MTUS1: variants seen among roughly 807,000 people sequenced by gnomAD.
MTUS1 encodes the protein microtubule associated scaffold protein 1, also known as microtubule-associated tumor suppressor 1.
Under a neutral mutation model 120.8 loss-of-function variants are expected in MTUS1, and 109 were observed. The observed-to-expected ratio is 0.90, with a 90% confidence interval of 0.77 to 1.06. The LOEUF (loss-of-function observed/expected upper bound fraction) is 1.06. Ranked by LOEUF, MTUS1 falls within the 50% of genes least tolerant of loss-of-function variation. The pLI, the probability that MTUS1 is intolerant of heterozygous loss-of-function variation, is 0.00. For missense variants in MTUS1, 2,210 were observed against 1,486.3 expected (o/e 1.49, Z -8.01); for synonymous variants, 737 against 550.5 (o/e 1.34, Z -4.74).
At chr8:17,713,940 G>A (rs1821826284) in intron 5 of MTUS1, among the ~76,000 whole-genome samples, 1 of 152,160 alleles carries the variant, frequency 6.6e-6, no homozygotes, top group South Asian at 2.1e-4. Flanking sequence ...AAACTGTTGC[G>A]ACATAACCTA....
chr8:17,703,189 G>A (rs1364294683), intron 6 of MTUS1, among the ~76,000 whole-genome samples: 1 of 152,154 alleles, frequency 6.6e-6, no homozygotes, highest in Non-Finnish European at 1.5e-5. Context: ...TTTTCTTCTT[G>A]CAGAGAGCCT....
chr8:17,681,341 C>A (rs1477676535), intron 7 of MTUS1, among the ~76,000 whole-genome samples: 3 of 152,132 alleles, frequency 2.0e-5, no homozygotes, highest in Non-Finnish European at 4.4e-5. Flanking sequence ...GTATTGTGGG[C>A]AAGGACAGCA....
intron 3 of MTUS1, among the ~76,000 whole-genome samples, chr8:17,731,852 T>C (rs1029309339): frequency 1.3e-5 from 2 of 152,236 alleles, no homozygotes; most frequent in African/African-American, 4.8e-5. Flanking sequence ...CCTTTCCTGG[T>C]GAGCCAACTG....
chr8:17,658,618 TC>T (rs1028685642), intron 8 of MTUS1, among the ~76,000 whole-genome samples: 5 of 152,172 alleles, frequency 3.3e-5, no homozygotes, highest in African/African-American at 9.7e-5. Context: ...TGCTGGCAAA[TC>T]TGTTAAATTA....
intron 2 of MTUS1, among the ~76,000 whole-genome samples, chr8:17,746,316 T>C (rs370800527): frequency 3.2e-4 from 48 of 152,292 alleles, no homozygotes; most frequent in African/African-American, 1.0e-3. Flanking sequence ...CTAACTTCTT[T>C]CTATACATCC....
At chr8:17,664,795 C>A (rs1187704907) in intron 8 of MTUS1, among the ~76,000 whole-genome samples, 1 of 152,120 alleles carries the variant, frequency 6.6e-6, no homozygotes, top group Admixed American at 6.5e-5. Context: ...ATGTAGGTGA[C>A]CCCCTTAAGC....
At chr8:17,662,803 T>C (rs1274019394) in intron 8 of MTUS1, among the ~76,000 whole-genome samples, 3 of 148,390 alleles carry the variant, frequency 2.0e-5, no homozygotes, top group Admixed American at 1.4e-4. Context: ...GCAATCTAGC[T>C]TAAAAGAGGA....
rs182848256 is a variant in MTUS1 at position 17,695,248 on chromosome 8, G to A, written c.2624-10706C>T. Among the ~76,000 whole-genome samples the A allele has an allele frequency of 1.2e-4, 18 of 152,274 alleles. No individual in the cohort carries two copies. The East Asian group carries it at 1.9e-3, about 16-fold the overall frequency. ...TTAAAAAGCCTCCAACACACAAAAC[G>A]CTTCCTCCATCCCTGCTATTCCTTG... On this transcript the variant is annotated intron_variant, in intron 6 of 14. Transcript: ENST00000693296.
At chr8:17,659,892 C>A (rs1427108867) in intron 8 of MTUS1, among the ~76,000 whole-genome samples, 4 of 152,150 alleles carry the variant, frequency 2.6e-5, no homozygotes, top group African/African-American at 9.7e-5. Context: ...CCCTCCCCTT[C>A]CCCAAGGCCC....
chr8:17,647,320 C>T (rs184335336), intron 13 of MTUS1: 29 of 403,830 alleles, frequency 7.2e-5, no homozygotes, highest in African/African-American at 4.3e-4. Flanking sequence ...GAGTGGGTAA[C>T]AGATTTGTTC....
chr8:17,762,799 G>A (rs904205968), intron 1 of MTUS1, among the ~76,000 whole-genome samples: 1 of 152,112 alleles, frequency 6.6e-6, no homozygotes, highest in African/African-American at 2.4e-5. Flanking sequence ...TTGGTCAACT[G>A]ACTGATTCAG....
At chr8:17,682,272 T>G (rs144717789) in intron 7 of MTUS1, among the ~76,000 whole-genome samples, 2,977 of 152,252 alleles carry the variant, frequency 0.02, 108 homozygotes, top group African/African-American at 0.068. Flanking sequence ...TTGCAGCACT[T>G]TGGGAGGCCG....
intron 14 of MTUS1, among the ~76,000 whole-genome samples, chr8:17,646,752 A>G (rs1805875752): frequency 6.6e-6 from 1 of 152,208 alleles, no homozygotes; most frequent in Admixed American, 6.5e-5. Context: ...AGGCAGCCAG[A>G]GGCCGTGGGA....
chr8:17,657,497 G>A (rs1808627070), intron 8 of MTUS1, among the ~76,000 whole-genome samples: 1 of 150,266 alleles, frequency 6.7e-6, no homozygotes, highest in Admixed American at 6.6e-5. Context: ...GAACCCGGGA[G>A]GCGGAGCTTG....
chr8:17,701,750 C>T (rs528853748), intron 6 of MTUS1, among the ~76,000 whole-genome samples: 22 of 152,150 alleles, frequency 1.4e-4, no homozygotes, highest in African/African-American at 3.6e-4. Context: ...AGGGTTTCAC[C>T]GTGTTAGCCA....
At chr8:17,756,933 G>A (rs1468503187) in intron 1 of MTUS1, among the ~76,000 whole-genome samples, 1 of 152,096 alleles carries the variant, frequency 6.6e-6, no homozygotes, top group Non-Finnish European at 1.5e-5. Context: ...CTCCAAAACT[G>A]TGAGAAAGTA....
chr8:17,766,198 C>T (rs10503604), intron 1 of MTUS1, among the ~76,000 whole-genome samples: 12,204 of 152,096 alleles, frequency 0.08, 1,139 homozygotes, highest in African/African-American at 0.22. Flanking sequence ...ACGGTATTAG[C>T]AAAAACAAGT....
intron 7 of MTUS1, among the ~76,000 whole-genome samples, chr8:17,680,229 C>G (rs1376673533): frequency 6.6e-6 from 1 of 151,778 alleles, no homozygotes; most frequent in Non-Finnish European, 1.5e-5. Context: ...TTTGGAAGGC[C>G]GAGGCAGGTG....
chr8:17,730,461 G>A (rs1201725714), intron 3 of MTUS1, among the ~76,000 whole-genome samples: 2 of 149,352 alleles, frequency 1.3e-5, no homozygotes, highest in Non-Finnish European at 3.0e-5. Flanking sequence ...CTCTGGCCTG[G>A]GCAAGAGAGC....
Sources: allele counts gnomAD v4.1 joint callset (sites outside exome capture counted in the v4.1 genomes callset), GRCh38; gene constraint gnomAD v4.1.1; transcripts MANE v1.5; gene names NCBI Gene and HGNC (gene_info 2026-07-23, HGNC 2026-07-21).